The following CALN1 variants were observed in gnomAD, a reference collection of about 807,000 sequenced individuals.
CALN1 encodes the protein calneuron 1.
Under a neutral mutation model 30.6 loss-of-function variants are expected in CALN1, and 17 were observed. The observed-to-expected ratio is 0.56, with a 90% CI of 0.38 to 0.83. CALN1 has a LOEUF of 0.83. Ranked by LOEUF, CALN1 falls within the 40% of genes least tolerant of loss-of-function variation. The probability of loss-of-function intolerance (pLI) is 0.00; values close to 1 mark genes in which losing one functional copy is unlikely to be tolerated. For synonymous variants in CALN1, 156 were observed against 131.4 expected, an observed-to-expected ratio of 1.19 and a Z score of -1.28; for missense variants, 291 against 354.9, an observed-to-expected ratio of 0.82 and a Z score of 1.45.
intron 3 of CALN1, among the ~76,000 whole-genome samples, chr7:72,275,570 T>C (rs997570251): frequency 5.9e-5 from 9 of 152,252 alleles, no homozygotes; most frequent in Admixed American, 3.9e-4. Context: ...AGAAAATAAA[T>C]GGCCCTTCCC....
At chr7:71,893,300 C>G (rs1793353173) in intron 5 of CALN1, among the ~76,000 whole-genome samples, 1 of 152,150 alleles carries the variant, frequency 6.6e-6, no homozygotes, top group Non-Finnish European at 1.5e-5. Context: ...CACAAGAAGG[C>G]CTCCCACTAC....
At chr7:72,120,070 T>C (rs1187966176) in intron 3 of CALN1, among the ~76,000 whole-genome samples, 5 of 152,050 alleles carry the variant, frequency 3.3e-5, no homozygotes, top group African/African-American at 1.2e-4. Flanking sequence ...GTAGTGAGCA[T>C]AGTGTCTAAT....
chr7:72,401,337 C>T (rs570350043), intron 2 of CALN1, among the ~76,000 whole-genome samples: 5 of 152,272 alleles, frequency 3.3e-5, no homozygotes, highest in African/African-American at 1.2e-4. Context: ...GAGCCAAGAC[C>T]TTGACCACAG....
At chr7:72,129,447 G>T (rs1222895478) in intron 3 of CALN1, among the ~76,000 whole-genome samples, 1 of 152,158 alleles carries the variant, frequency 6.6e-6, no homozygotes, top group Non-Finnish European at 1.5e-5. Context: ...CGGTGTGTGT[G>T]TGCGTTATAG....
chr7:72,038,086 C>T (rs566816981), intron 4 of CALN1, among the ~76,000 whole-genome samples: 2 of 152,288 alleles, frequency 1.3e-5, no homozygotes, highest in East Asian at 3.9e-4. Context: ...TTTGTCTGCA[C>T]CTCTGTAGTC....
chr7:71,861,425 C>T (rs779612842), intron 5 of CALN1, among the ~76,000 whole-genome samples: 14 of 152,024 alleles, frequency 9.2e-5, no homozygotes, highest in Non-Finnish European at 1.3e-4. Flanking sequence ...TCAGGGGAAA[C>T]TCAGATTTGG....
intron 1 of CALN1, among the ~76,000 whole-genome samples, chr7:72,426,917 C>A (rs1424143792): frequency 6.6e-6 from 1 of 152,188 alleles, no homozygotes. Context: ...CTTACCCAAG[C>A]CCCTGTCTTC....
chr7:71,964,489 T>C (rs1306894416), intron 5 of CALN1, among the ~76,000 whole-genome samples: 1 of 152,146 alleles, frequency 6.6e-6, no homozygotes, highest in East Asian at 1.9e-4. Context: ...ACTGGAAAAC[T>C]TGGATCACAT....
At chr7:72,065,512 T>A (rs781498450) in intron 4 of CALN1, among the ~76,000 whole-genome samples, 2 of 152,084 alleles carry the variant, frequency 1.3e-5, no homozygotes, top group African/African-American at 4.8e-5. Context: ...CTACCATATC[T>A]TCACCTATTC....
At chr7:72,167,430 T>C (rs1262380595) in intron 3 of CALN1, among the ~76,000 whole-genome samples, 6 of 152,176 alleles carry the variant, frequency 3.9e-5, no homozygotes, top group African/African-American at 7.2e-5. Context: ...CTACAACCTC[T>C]GCCTCCCAGA....
intron 5 of CALN1, among the ~76,000 whole-genome samples, chr7:72,003,527 A>G (rs930242927): frequency 6.6e-6 from 1 of 152,114 alleles, no homozygotes; most frequent in Non-Finnish European, 1.5e-5. Flanking sequence ...TCGCATTACC[A>G]CCTGAGCTCC....
At chr7:72,335,484 C>G (rs1388788125) in intron 2 of CALN1, among the ~76,000 whole-genome samples, 2 of 152,222 alleles carry the variant, frequency 1.3e-5, no homozygotes, top group East Asian at 1.9e-4. Flanking sequence ...GCAGAGGCTA[C>G]TGTGGGTCAC....
intron 2 of CALN1, among the ~76,000 whole-genome samples, chr7:72,356,669 C>A (rs934140296): frequency 2.6e-5 from 4 of 151,832 alleles, no homozygotes; most frequent in Non-Finnish European, 5.9e-5. Flanking sequence ...GCAAAACCTA[C>A]AAAATTAAAA....
chr7:72,169,791 G>T (rs1486360933), intron 3 of CALN1, among the ~76,000 whole-genome samples: 1 of 150,426 alleles, frequency 6.6e-6, no homozygotes, highest in Non-Finnish European at 1.5e-5. Context: ...CTGGGTTCAA[G>T]CAATTCTCCC....
At chr7:72,251,341 C>G (rs1795542296) in intron 3 of CALN1, among the ~76,000 whole-genome samples, 1 of 152,096 alleles carries the variant, frequency 6.6e-6, no homozygotes, top group Non-Finnish European at 1.5e-5. Flanking sequence ...ATCTCAAGTG[C>G]CTTCCTCTGT....
chr7:72,055,035 G>A (rs146331766), intron 4 of CALN1, among the ~76,000 whole-genome samples: 76 of 152,216 alleles, frequency 5.0e-4, no homozygotes, highest in African/African-American at 1.6e-3. Flanking sequence ...ACAAAAGAAC[G>A]GATGGAAGAG....
At chr7:72,431,821 G>A (rs1807988222) in intron 1 of CALN1, among the ~76,000 whole-genome samples, 2 of 149,004 alleles carry the variant, frequency 1.3e-5, no homozygotes, top group South Asian at 2.2e-4. Context: ...CTCCAACTGG[G>A]GCAAAAGAGT....
intron 2 of CALN1, among the ~76,000 whole-genome samples, chr7:72,316,088 T>C (rs1364058758): frequency 6.6e-6 from 1 of 151,878 alleles, no homozygotes; most frequent in Non-Finnish European, 1.5e-5. Flanking sequence ...GAGGTGGAGT[T>C]TGCAGTGAGC....
At chr7:71,885,867 G>A (rs13227550) in intron 5 of CALN1, among the ~76,000 whole-genome samples, 2 of 152,030 alleles carry the variant, frequency 1.3e-5, no homozygotes, top group Non-Finnish European at 2.9e-5. Flanking sequence ...CAGGAGTCTT[G>A]CAAACCTTGC....
Sources: allele counts gnomAD v4.1 joint callset (sites outside exome capture counted in the v4.1 genomes callset), GRCh38; gene constraint gnomAD v4.1.1; transcripts MANE v1.5; gene names NCBI Gene and HGNC (gene_info 2026-07-23, HGNC 2026-07-21).